The following HAPLN1 variants were observed in gnomAD, a reference collection of about 807,000 sequenced individuals.
HAPLN1 encodes Cartilage link protein.
In HAPLN1, 13 loss-of-function variants were observed where a neutral mutation model predicts 36.5. That is an observed-to-expected ratio of 0.36 (90% CI 0.23 to 0.57). The LOEUF (loss-of-function observed/expected upper bound fraction) is 0.57. HAPLN1 is among the 20% of genes least tolerant of loss of function. HAPLN1 has a pLI of 0.83. For missense variants in HAPLN1, 407 were observed against 439.7 expected, an observed-to-expected ratio of 0.93 and a Z score of 0.66; for synonymous variants, 202 against 169.8, an observed-to-expected ratio of 1.19 and a Z score of -1.48.
chr5:83,656,277 G>A (rs1015602572), intron 2 of HAPLN1, among the ~76,000 whole-genome samples: 2 of 132,496 alleles, frequency 1.5e-5, no homozygotes, highest in African/African-American at 2.8e-5. Context: ...GCAGTGAGCT[G>A]AGATTGTGTC....
intron 1 of HAPLN1, among the ~76,000 whole-genome samples, chr5:83,715,200 A>G (rs1451879599): frequency 6.6e-6 from 1 of 152,256 alleles, no homozygotes; most frequent in Non-Finnish European, 1.5e-5. Flanking sequence ...AAAACAAAAC[A>G]TTTACTTTAA....
chr5:83,638,230 A>G lies in HAPLN1; in HGVS notation c.*3266T>C, dbSNP rs947765258. ...ACACAAAATTGACTTTTAATGTACC[A>G]GTTCATTGTATCTTACAGAAAATCA... is the stretch of plus-strand genomic sequence containing the variant. On this transcript the variant is annotated 3_prime_UTR_variant, in exon 5 of 5. Coordinates refer to ENST00000274341, the MANE Select transcript of HAPLN1 (RefSeq NM_001884.4). 6.6e-6 allele frequency: 1 copy of G among 151,954 alleles called. No individual in the cohort carries two copies. Among genetic ancestry groups the G allele is most frequent in the African/African-American group, 2.4e-5 (1 of 41,342 alleles). 9.4% of individuals were successfully genotyped at this position (151,954 alleles called of 1,614,324 possible). A position where few individuals can be genotyped will look rare whatever the true frequency, so the allele number is the denominator to read the frequency against.
chr5:83,695,664 C>G (rs4632780), intron 1 of HAPLN1, among the ~76,000 whole-genome samples: 1 of 145,466 alleles, frequency 6.9e-6, no homozygotes, highest in Non-Finnish European at 1.5e-5. Flanking sequence ...AAATATATAT[C>G]TATATGTATT....
At chr5:83,673,666 C>T (rs1389821142) in intron 1 of HAPLN1, 117 bp from the exon 2 acceptor site, 2 of 644,502 alleles carry the variant, frequency 3.1e-6, no homozygotes, top group Non-Finnish European at 5.4e-6. Context: ...ATATTTAACC[C>T]AATCTGTTCA....
Position 83,640,291 on chromosome 5 carries a change from A to T in HAPLN1, c.*1205T>A, listed in dbSNP as rs1749644543. 1.3e-5 allele frequency: 2 copies of T among 152,168 alleles called. No homozygotes were observed. The highest frequency in any genetic ancestry group is 4.1e-4 in the South Asian group (2 of 4,834). The allele number at this position is 152,168 out of a possible 1,614,324, so 9.4% of individuals were successfully genotyped here. A position where few individuals can be genotyped will look rare whatever the true frequency, so the allele number is the denominator to read the frequency against. On this transcript the variant is annotated 3_prime_UTR_variant, in exon 5 of 5. Coordinates refer to ENST00000274341, the MANE Select transcript of HAPLN1 (RefSeq NM_001884.4). ...TTTTATTTAAAGCCCTGAAGATTTT[A>T]GTGTAAACTCTTTGATGACAGCTTC...
At chr5:83,682,703 G>T (rs1751034863) in intron 1 of HAPLN1, among the ~76,000 whole-genome samples, 1 of 152,112 alleles carries the variant, frequency 6.6e-6, no homozygotes, top group Admixed American at 6.5e-5. Flanking sequence ...TGTCTACACA[G>T]CTCAAAAAAG....
chr5:83,658,309 C>T (rs1021335803), intron 2 of HAPLN1, among the ~76,000 whole-genome samples: 5 of 152,236 alleles, frequency 3.3e-5, no homozygotes, highest in East Asian at 1.9e-4. Flanking sequence ...CTATTGCAAA[C>T]AATCACTCTG....
In HAPLN1 at chr5:83,638,798, A is replaced by G. The variant is rs1749595880; in HGVS notation, c.*2698T>C. 1 of 152,084 alleles carries G rather than the reference A, an allele frequency of 6.6e-6. No individual in the cohort carries two copies. Among genetic ancestry groups the G allele is most frequent in the South Asian group, 2.1e-4 (1 of 4,834 alleles). 9.4% of individuals were successfully genotyped at this position (152,084 alleles called of 1,614,324 possible). A position where few individuals can be genotyped will look rare whatever the true frequency, so the allele number is the denominator to read the frequency against. On this transcript the variant is annotated 3_prime_UTR_variant, in exon 5 of 5. Coordinates refer to ENST00000274341, the MANE Select transcript of HAPLN1 (RefSeq NM_001884.4). ...CAGCACTCACTTAAAGATGGCTTCC[A>G]GTGTTAATGTGACCAACTTATTTTC...
intron 2 of HAPLN1, among the ~76,000 whole-genome samples, chr5:83,671,677 T>C (rs971371268): frequency 3.3e-5 from 5 of 152,150 alleles, no homozygotes; most frequent in African/African-American, 1.2e-4. Context: ...AAAAAAGTAA[T>C]GAGAACAGGT....
chr5:83,642,223 A>G (rs1330332374), intron 4 of HAPLN1, among the ~76,000 whole-genome samples: 1 of 152,158 alleles, frequency 6.6e-6, no homozygotes, highest in Non-Finnish European at 1.5e-5. Flanking sequence ...CTGACATAAA[A>G]GTCCATTTAA....
chr5:83,710,895 G>A (rs1751765956), intron 1 of HAPLN1, among the ~76,000 whole-genome samples: 1 of 152,078 alleles, frequency 6.6e-6, no homozygotes, highest in Admixed American at 6.6e-5. Flanking sequence ...AGGTTTCAAT[G>A]AGCTGTGATC....
intron 1 of HAPLN1, among the ~76,000 whole-genome samples, chr5:83,676,638 G>C (rs1023985354): frequency 2.0e-5 from 3 of 152,158 alleles, no homozygotes; most frequent in African/African-American, 7.2e-5. Context: ...TCTGAGTCCT[G>C]CTTGTTTGCA....
intron 2 of HAPLN1, among the ~76,000 whole-genome samples, chr5:83,671,044 C>G (rs336966): frequency 0.35 from 53,340 of 151,658 alleles, 9,552 homozygotes; most frequent in East Asian, 0.54. Context: ...TTGTGTGTGT[C>G]TATATCTCTA....
intron 1 of HAPLN1, among the ~76,000 whole-genome samples, chr5:83,696,299 G>T (rs1041816793): frequency 4.6e-5 from 7 of 152,064 alleles, no homozygotes; most frequent in East Asian, 1.9e-4. Context: ...CATAAAACAG[G>T]CTCAATATTA....
chr5:83,682,986 C>G (rs568251509), intron 1 of HAPLN1, among the ~76,000 whole-genome samples: 1 of 152,254 alleles, frequency 6.6e-6, no homozygotes, highest in South Asian at 2.1e-4. Flanking sequence ...TAGCTAGAAA[C>G]TACTGCTGTA....
At chr5:83,652,392 TG>T (rs1561302391) in intron 3 of HAPLN1, 60 bp downstream of exon 3, 1 of 1,500,880 alleles carries the variant, frequency 6.7e-7, no homozygotes, top group Non-Finnish European at 9.0e-7. Flanking sequence ...TTACTCTTCA[TG>T]AAAAAAAAAG....
At chr5:83,694,409 T>C (rs1266794343) in intron 1 of HAPLN1, among the ~76,000 whole-genome samples, 1 of 151,744 alleles carries the variant, frequency 6.6e-6, no homozygotes, top group African/African-American at 2.4e-5. Context: ...TGAAACCCAA[T>C]GTAAGCAGAA....
intron 1 of HAPLN1, among the ~76,000 whole-genome samples, chr5:83,720,568 T>A (rs73135931): frequency 0.032 from 4,870 of 152,308 alleles, 287 homozygotes; most frequent in African/African-American, 0.11. Context: ...TCTTTCTCCA[T>A]TTTTAGACTG....
chr5:83,719,269 A>C (rs1751975375), intron 1 of HAPLN1, among the ~76,000 whole-genome samples: 1 of 152,218 alleles, frequency 6.6e-6, no homozygotes, highest in African/African-American at 2.4e-5. Context: ...GCCCAGGCCC[A>C]TAAGGCATTC....
Sources: gnomAD v4.1 joint callset for allele counts (sites outside exome capture counted in the v4.1 genomes callset) on GRCh38, gnomAD v4.1.1 for gene constraint, MANE v1.5 for transcripts, NCBI Gene and HGNC (gene_info 2026-07-23, HGNC 2026-07-21) for gene names.